The following PLA2G4F variants were observed in gnomAD, a reference collection of about 807,000 sequenced individuals.
PLA2G4F encodes cytosolic phospholipase A2 zeta.
A neutral mutation model predicts 103.1 loss-of-function variants in PLA2G4F; 105 were observed. The ratio of observed to expected loss-of-function variants is 1.02; its 90% CI spans 0.87 to 1.20. PLA2G4F has a LOEUF of 1.20. Ranked by LOEUF, PLA2G4F falls within the 50% of genes most tolerant of loss-of-function variation. The probability of loss-of-function intolerance (pLI) is 0.00; values close to 1 mark genes in which losing one functional copy is unlikely to be tolerated. For synonymous variants in PLA2G4F, 468 were observed against 441.1 expected (o/e 1.06, Z -0.76); for missense variants, 1,155 against 1,075.9 (o/e 1.07, Z -1.03).
In PLA2G4F at chr15:42,147,472, C is replaced by G. The variant is rs546086323; in HGVS notation, c.1197-126G>C. 52 of 1,370,036 alleles carry G rather than the reference C, an allele frequency of 3.8e-5. 1 individual carries two copies. In the Admixed American group the frequency reaches 5.6e-4, roughly 15 times the overall value. The allele number at this position is 1,370,036 out of a possible 1,614,324, so 84.9% of individuals were successfully genotyped here. A position where few individuals can be genotyped will look rare whatever the true frequency, so the allele number is the denominator to read the frequency against. The stretch of plus-strand genomic sequence containing the variant: ...CTGCTGCCCTGCAAACAACCCAACT[C>G]AGAGGGGCGCTTGGGACTCAGCCTC... On this transcript the variant is annotated intron_variant, in intron 12 of 19. Coordinates refer to ENST00000397272, the MANE Select transcript of PLA2G4F (RefSeq NM_213600.4).
chr15:42,143,868 A>G, intron 18 of PLA2G4F, 110 bp downstream of exon 18: 2 of 1,381,474 alleles, frequency 1.4e-6, no homozygotes, highest in Admixed American at 4.5e-5. Flanking sequence ...GGCAATCCCC[A>G]CACACCCAGC....
chr15:42,144,710 T>C, intron 16 of PLA2G4F, 66 bp from the exon 17 acceptor site: 4 of 1,441,264 alleles, frequency 2.8e-6, no homozygotes, highest in Non-Finnish European at 3.7e-6. Flanking sequence ...GTGGTCCTTA[T>C]AGTTCAGGGG....
At chr15:42,144,418 GC>G (rs766456604) in intron 17 of PLA2G4F, 31 bp downstream of exon 17, 3 of 1,607,486 alleles carry the variant, frequency 1.9e-6, no homozygotes, top group Admixed American at 3.3e-5. Context: ...AGGAAGGGAA[GC>G]CCCCCATCTC....
At chr15:42,148,063 G>T (rs547042064) in intron 11 of PLA2G4F, among the ~76,000 whole-genome samples, 2 of 152,082 alleles carry the variant, frequency 1.3e-5, no homozygotes, top group African/African-American at 4.8e-5. Flanking sequence ...CCTGCCTGTA[G>T]TCCCAGCTAT....
At chr15:42,150,269 G>A (rs2048942172) in intron 9 of PLA2G4F, 104 bp downstream of exon 9, 4 of 1,533,306 alleles carry the variant, frequency 2.6e-6, no homozygotes, top group African/African-American at 1.4e-5. Context: ...ACTGACCTCT[G>A]GACTGACCTG....
In PLA2G4F at chr15:42,150,606, A is replaced by T. The variant is rs1595622600; in HGVS notation, c.771+2T>A. The T allele has an allele frequency of 6.2e-7, 1 of 1,606,474 alleles. No individual in the cohort carries two copies. Among genetic ancestry groups the T allele is most frequent in the South Asian group, 1.1e-5 (1 of 89,530 alleles). ...TACCGACCATCCTGGCGGCGCACTC[A>T]CCTGCACAGCTGCCAGCAGCTCCAT... On this transcript the variant is annotated splice_donor_variant, in intron 8 of 19. Coordinates refer to ENST00000397272, the MANE Select transcript of PLA2G4F (RefSeq NM_213600.4). LOFTEE classifies it high-confidence loss of function.
rs896397411 is a variant in PLA2G4F at position 42,139,099 on chromosome 15, GA to G, written c.*2884del. ...GCCAAAGTGCAGCCCTGAGAAGCTG[GA>G]GCTGCTTGCTTTTATTCAGTGCAGG... On this transcript the variant is annotated 3_prime_UTR_variant, in exon 20 of 20. Transcript: ENST00000397272. 4.7e-4 allele frequency: 72 copies of G among 152,384 alleles called. No homozygotes were observed. Among genetic ancestry groups the G allele is most frequent in the African/African-American group, 1.6e-3 (68 of 41,582 alleles). 9.4% of individuals were successfully genotyped at this position (152,384 alleles called of 1,614,324 possible).
chr15:42,150,706 T>G lies in PLA2G4F; in HGVS notation c.673A>C (p.Thr225Pro). 1 of 1,613,428 alleles carries G rather than the reference T, an allele frequency of 6.2e-7. No homozygotes were observed. Among genetic ancestry groups the G allele is most frequent in the Non-Finnish European group, 8.5e-7 (1 of 1,179,840 alleles). The change falls in exon 8 of 20, where the codon ACA becomes CCA. Residue 225 changes from threonine to proline, a missense_variant. Physicochemically the swap from Thr to Pro is conservative, Grantham distance 38. This residue lies in a region of PLA2G4F where 370 missense variants were observed against 364.9 expected (regional missense o/e 1.01). Coordinates refer to ENST00000397272, the MANE Select transcript of PLA2G4F (RefSeq NM_213600.4). ...KPQLLPLQPP[T>P]EPGLPPTFTF... is the part of the protein sequence containing the mutation. ...AAGGTGGGTGGGAGGCCTGGCTCTGTGGGAGGCTGCAGGGGCAAGAGCTGT... is the reference window on the plus strand; with the variant it reads ...AAGGTGGGTGGGAGGCCTGGCTCTGGGGGAGGCTGCAGGGGCAAGAGCTGT...
intron 18 of PLA2G4F, among the ~76,000 whole-genome samples, chr15:42,142,918 T>C (rs999180897): frequency 4.6e-5 from 7 of 152,048 alleles, no homozygotes; most frequent in Non-Finnish European, 8.8e-5. Flanking sequence ...TGGTGGCTCA[T>C]GCCTGTAATC....
chr15:42,148,450 G>C (rs1291680237), intron 11 of PLA2G4F: 2 of 250,156 alleles, frequency 8.0e-6, no homozygotes, highest in Non-Finnish European at 1.3e-5. Context: ...TGTGGGGACT[G>C]TCCTGTGTGT....
intron 11 of PLA2G4F, 144 bp downstream of exon 11, chr15:42,149,569 G>A (rs2140809844): frequency 6.9e-7 from 1 of 1,447,040 alleles, no homozygotes; most frequent in African/African-American, 1.4e-5. Flanking sequence ...CCCATATGGG[G>A]TCCTAGCTCT....
intron 18 of PLA2G4F, among the ~76,000 whole-genome samples, chr15:42,143,548 T>C (rs766934809): frequency 6.6e-6 from 1 of 152,146 alleles, no homozygotes; most frequent in Non-Finnish European, 1.5e-5. Flanking sequence ...CCAGCAGAGA[T>C]GGAGGGACTT....
Position 42,150,641 on chromosome 15 carries a change from G to C in PLA2G4F, c.738C>G (p.His246Gln), listed in dbSNP as rs139722627. 2 of 1,613,256 alleles carry C rather than the reference G, an allele frequency of 1.2e-6. No individual in the cohort carries two copies. The highest frequency in any genetic ancestry group is 4.5e-5 in the East Asian group (2 of 44,882). Residue 246 changes from histidine to glutamine, a missense_variant, in exon 8 of 20, where the codon CAC (histidine) becomes CAG (glutamine). Physicochemically the swap from His to Gln is conservative, Grantham distance 24. Coordinates refer to ENST00000397272, the MANE Select transcript of PLA2G4F (RefSeq NM_213600.4). Reference protein sequence around the residue: ...HVNPVLSSRLHVELMELLAAV... With the variant: ...HVNPVLSSRLQVELMELLAAV... ...CTGCCAGCAGCTCCATCAGCTCCACGTGTAGCCTGGAGCTCAGCACTGGGT... is the reference window on the plus strand; with the variant it reads ...CTGCCAGCAGCTCCATCAGCTCCACCTGTAGCCTGGAGCTCAGCACTGGGT...
Position 42,144,043 on chromosome 15 carries a change from G to A in PLA2G4F, c.2077C>T (p.Leu693=), listed in dbSNP as rs777581946. The change falls in exon 18 of 20, where the codon CTG becomes TTG. Residue 693 remains leucine (L), a synonymous_variant. Coordinates refer to ENST00000397272, the MANE Select transcript of PLA2G4F (RefSeq NM_213600.4). ...FAINSPFPLA[L]LPQRAVDLIL... ...AGGTCCACTGCTCTCTGAGGCAGCA[G>A]AGCCAGTGGGAACGGAGAGTTGATG... The A allele has an allele frequency of 5.6e-6, 9 of 1,614,066 alleles. No homozygotes were observed. Among genetic ancestry groups the A allele is most frequent in the Non-Finnish European group, 6.8e-6 (8 of 1,179,988 alleles).
intron 7 of PLA2G4F, chr15:42,151,508 G>T (rs970762215): frequency 3.0e-6 from 3 of 985,272 alleles, no homozygotes; most frequent in Non-Finnish European, 3.6e-6. Context: ...CCTCCCAGGA[G>T]TCCCAGCCCC....
In PLA2G4F at chr15:42,155,535, T is replaced by G; in HGVS notation, c.166A>C (p.Ile56Leu). Residue 56 changes from isoleucine (I) to leucine (L), a missense_variant, in exon 2 of 20, where the codon ATC becomes CTC. By Grantham distance (5) the Ile-to-Leu change is conservative (BLOSUM62 2). Coordinates refer to ENST00000397272, the MANE Select transcript of PLA2G4F (RefSeq NM_213600.4). ...LQVKVLRATN[I>L]RGTDLLSKAD... is the part of the protein sequence containing the mutation. ...CACTCACGCAGGTCTGTGCCCCGGA[T>G]GTTTGTGGCCCTCAGCACCTTCACC... 1.2e-6 allele frequency: 2 copies of G among 1,614,084 alleles called. No homozygotes were observed. Among genetic ancestry groups the G allele is most frequent in the Non-Finnish European group, 1.7e-6 (2 of 1,179,964 alleles).
rs1321579705 is a variant in PLA2G4F, at chr15:42,141,910, G to A, written c.*74C>T. On this transcript the variant is annotated 3_prime_UTR_variant, in exon 20 of 20. Coordinates refer to ENST00000397272, the MANE Select transcript of PLA2G4F (RefSeq NM_213600.4). The stretch of plus-strand genomic sequence containing the variant: ...GCAGATCCTGCACAGAGTCCCCATC[G>A]CTCCTCCCTCTACAAGCCCTGACCA... 4 of 1,427,838 alleles carry A rather than the reference G, an allele frequency of 2.8e-6. No homozygotes were observed. Among genetic ancestry groups the A allele is most frequent in the East Asian group, 2.3e-5 (1 of 43,890 alleles). 88.4% of individuals were successfully genotyped at this position (1,427,838 alleles called of 1,614,324 possible).
At position 42,142,512 on chromosome 15, in the gene PLA2G4F, C is replaced by T. The variant is rs544319024; in HGVS notation, c.2329+16G>A. ...AGGGCTCTGTGGGTCAGTCCCAGGC[C>T]TGGAGCTTCCCTTACCTGGGGCCAG... On this transcript the variant is annotated intron_variant, in intron 19 of 19. Transcript: ENST00000397272. The T allele has an allele frequency of 1.6e-5, 25 of 1,607,630 alleles. No homozygotes were observed. In the East Asian group the frequency reaches 3.6e-4, roughly 23 times the overall value.
intron 5 of PLA2G4F, 38 bp from the exon 6 acceptor site, chr15:42,153,380 C>A: frequency 1.2e-6 from 2 of 1,602,940 alleles, no homozygotes; most frequent in Non-Finnish European, 1.7e-6. Context: ...ATACATCTGG[C>A]CCCATCATGA....
Sources: allele counts gnomAD v4.1 joint callset (sites outside exome capture counted in the v4.1 genomes callset), GRCh38; gene constraint gnomAD v4.1.1; regional missense constraint gnomAD v4.1.1; transcripts MANE v1.5; gene names NCBI Gene and HGNC (gene_info 2026-07-23, HGNC 2026-07-21).